KIF21A: variants seen among roughly 807,000 people sequenced by gnomAD.
The protein encoded by KIF21A is kinesin-like protein KIF21A.
In KIF21A, 114 loss-of-function variants were observed where a neutral mutation model predicts 202.9. That is an observed-to-expected ratio of 0.56 (90% CI 0.48 to 0.66). The LOEUF (loss-of-function observed/expected upper bound fraction) is 0.66, where lower values mean the gene tolerates loss of function less well. Ranked by LOEUF, KIF21A falls within the 30% of genes least tolerant of loss-of-function variation. KIF21A has a pLI of 0.00. For synonymous variants in KIF21A, 667 were observed against 670.8 expected, an observed-to-expected ratio of 0.99 and a Z score of 0.09; for missense variants, 1,677 against 1,994.9, an observed-to-expected ratio of 0.84 and a Z score of 3.04.
At chr12:39,303,801 T>G (rs944839254) in intron 35 of KIF21A, among the ~76,000 whole-genome samples, 1 of 152,186 alleles carries the variant, frequency 6.6e-6, no homozygotes. Context: ...TCAAAATCGT[T>G]TCACTTTCCT....
At chr12:39,391,990 A>T (rs1951395794) in intron 1 of KIF21A, among the ~76,000 whole-genome samples, 1 of 151,954 alleles carries the variant, frequency 6.6e-6, no homozygotes, top group African/African-American at 2.4e-5. Flanking sequence ...CACCCACCTC[A>T]GCCTCCCAAA....
intron 14 of KIF21A, 98 bp downstream of exon 14, chr12:39,341,407 T>G: frequency 8.2e-7 from 1 of 1,225,336 alleles, no homozygotes; most frequent in East Asian, 2.3e-5. Context: ...CAGAAGTTTC[T>G]TTCATCAAGT....
chr12:39,352,041 C>G, intron 10 of KIF21A, 61 bp from the exon 11 acceptor site: 1 of 1,179,150 alleles, frequency 8.5e-7, no homozygotes, highest in Non-Finnish European at 1.3e-6. Flanking sequence ...AAATACATAA[C>G]ATAAAGTGTA....
chr12:39,359,795 A>G (rs941717944), intron 7 of KIF21A, among the ~76,000 whole-genome samples: 4 of 152,188 alleles, frequency 2.6e-5, no homozygotes, highest in East Asian at 1.9e-4. Flanking sequence ...ACATACATCC[A>G]TTTCTTACTT....
At chr12:39,318,912 C>A (rs531271963) in intron 28 of KIF21A, among the ~76,000 whole-genome samples, 1 of 150,954 alleles carries the variant, frequency 6.6e-6, no homozygotes, top group Non-Finnish European at 1.5e-5. Context: ...ACCCGGGAGG[C>A]GGAGTTTGCA....
Position 39,358,097 on chromosome 12 carries a change from G to A in KIF21A, c.1215+81C>T, listed in dbSNP as rs992105939. 55 of 1,155,852 alleles carry A rather than the reference G, an allele frequency of 4.8e-5. 1 individual carries two copies. Among genetic ancestry groups the A allele is most frequent in the Non-Finnish European group, 6.4e-5 (49 of 763,432 alleles). 71.6% of individuals were successfully genotyped at this position (1,155,852 alleles called of 1,614,324 possible). A position where few individuals can be genotyped will look rare whatever the true frequency, so the allele number is the denominator to read the frequency against. The stretch of plus-strand genomic sequence containing the variant: ...GACAACCAAGAGATTCCAGAAACAC[G>A]TATGTGTAAGGCATTATTGTGTTCA... On this transcript the variant is annotated intron_variant, in intron 8 of 37. Transcript: ENST00000361418.
At chr12:39,387,132 T>C (rs1262731407) in intron 1 of KIF21A, among the ~76,000 whole-genome samples, 2 of 147,480 alleles carry the variant, frequency 1.4e-5, no homozygotes, top group Admixed American at 6.8e-5. Flanking sequence ...GGCAGAAAAC[T>C]CAATGAGTTT....
chr12:39,414,991 C>G (rs1304119682), intron 1 of KIF21A, among the ~76,000 whole-genome samples: 1 of 148,414 alleles, frequency 6.7e-6, no homozygotes, highest in East Asian at 2.0e-4. Context: ...GCAAAATCAG[C>G]CTAGGACTGG....
intron 6 of KIF21A, among the ~76,000 whole-genome samples, chr12:39,365,051 T>A (rs745592052): frequency 2.4e-4 from 36 of 152,164 alleles, no homozygotes; most frequent in Non-Finnish European, 2.1e-4. Flanking sequence ...GCTGACACCA[T>A]GCAGACTGGT....
At chr12:39,328,102 C>T (rs1394892866) in intron 24 of KIF21A, among the ~76,000 whole-genome samples, 5 of 152,126 alleles carry the variant, frequency 3.3e-5, no homozygotes, top group Admixed American at 3.3e-4. Context: ...GCTTGGAAAA[C>T]TGGACTTTGG....
rs1555200427 is a variant in KIF21A at position 39,421,742 on chromosome 12, T to TATAC, written c.44+21184_44+21185insGTAT. Among the ~76,000 whole-genome samples, 102 of 143,006 alleles carry TATAC rather than the reference T, an allele frequency of 7.1e-4. 1 individual carries two copies. Among genetic ancestry groups the TATAC allele is most frequent in the African/African-American group, 1.8e-3 (69 of 39,408 alleles). 93.8% of individuals were successfully genotyped at this position (143,006 alleles called of 152,430 possible). ...TATAATTTATATATATATATATATA[T>TATAC]ACACATACACACATATATATTTATT... On this transcript the variant is annotated intron_variant, in intron 1 of 37. Transcript: ENST00000361418.
rs1160949360 is a variant in KIF21A at position 39,436,448 on chromosome 12, AT to A, written c.44+6478del. ...TATATATATATATATATATATATAT[AT>A]TTTTTTTTTTTTTAGACAGGGTTTC... On this transcript the variant is annotated intron_variant, in intron 1 of 37. Transcript: ENST00000361418. Among the ~76,000 whole-genome samples the A allele has an allele frequency of 3.5e-3, 337 of 95,718 alleles. 3 individuals are homozygous for A. Among genetic ancestry groups the A allele is most frequent in the African/African-American group, 0.015 (298 of 19,724 alleles). 62.8% of individuals were successfully genotyped at this position (95,718 alleles called of 152,430 possible). A position where few individuals can be genotyped will look rare whatever the true frequency, so the allele number is the denominator to read the frequency against.
At chr12:39,309,130 T>G (rs1239900633) in intron 33 of KIF21A, among the ~76,000 whole-genome samples, 1 of 152,154 alleles carries the variant, frequency 6.6e-6, no homozygotes, top group Admixed American at 6.5e-5. Flanking sequence ...CAAAGCAGTC[T>G]CAGTCCTTAA....
rs527640582 is a variant in KIF21A, at chr12:39,355,924, C to T, written c.1469+908G>A. Among the ~76,000 whole-genome samples, 4 of 151,796 alleles carry T rather than the reference C, an allele frequency of 2.6e-5. No individual in the cohort carries two copies. In the South Asian group the frequency reaches 8.3e-4, roughly 32 times the overall value. On this transcript the variant is annotated intron_variant, in intron 10 of 37. Coordinates refer to ENST00000361418, the MANE Select transcript of KIF21A (RefSeq NM_001173464.2). ...ATAGTACTTGCCACAGTTTGAGAAC[C>T]TCTAGAATAGCCAGAGGAAGAGAAA...
chr12:39,441,179 C>T (rs906665652), intron 1 of KIF21A, among the ~76,000 whole-genome samples: 1 of 152,054 alleles, frequency 6.6e-6, no homozygotes, highest in Non-Finnish European at 1.5e-5. Context: ...CATTCATTCA[C>T]CTAAAAAGTC....
Position 39,332,971 on chromosome 12 carries a change from C to T in KIF21A, c.2624G>A (p.Arg875Lys). 1 of 1,614,164 alleles carries T rather than the reference C, an allele frequency of 6.2e-7. No individual in the cohort carries two copies. Among genetic ancestry groups the T allele is most frequent in the Middle Eastern group, 1.6e-4 (1 of 6,062 alleles). The change falls in exon 19 of 38, where the codon AGG becomes AAG. Residue 875 changes from arginine (R) to lysine (K), a missense_variant. Around this residue, in one of 3 missense-constraint regions of KIF21A, gnomAD observed 966 missense variants for 1,180.9 expected, o/e 0.82. Transcript: ENST00000361418. Reference protein sequence around the residue: ...SAAAVETDASRTGAQQKMRIP... With the variant: ...SAAAVETDASKTGAQQKMRIP... Reference sequence around the variant, plus strand: ...TCTCATTTTCTGCTGGGCTCCTGTCCTTGATGCATCTGTTTCGACAGCAGC... The same window carrying T: ...TCTCATTTTCTGCTGGGCTCCTGTCTTTGATGCATCTGTTTCGACAGCAGC...
chr12:39,368,155 T>TTGATAG, intron 3 of KIF21A, 123 bp from the exon 4 acceptor site: 1 of 647,376 alleles, frequency 1.5e-6, no homozygotes, highest in Non-Finnish European at 2.7e-6. Flanking sequence ...ACATATTTTT[T>TTGATAG]CAAAATAACA....
At chr12:39,412,260 C>T (rs913050111) in intron 1 of KIF21A, among the ~76,000 whole-genome samples, 4 of 152,144 alleles carry the variant, frequency 2.6e-5, no homozygotes, top group Non-Finnish European at 1.5e-5. Context: ...AAAATCCAAG[C>T]ACATGGCAAC....
chr12:39,353,875 T>A (rs1948582897), intron 10 of KIF21A, among the ~76,000 whole-genome samples: 1 of 152,086 alleles, frequency 6.6e-6, no homozygotes, highest in Non-Finnish European at 1.5e-5. Context: ...TCTCTCTCTC[T>A]CTTCCCGTTC....
Sources: gnomAD v4.1 joint callset for allele counts (sites outside exome capture counted in the v4.1 genomes callset) on GRCh38, gnomAD v4.1.1 for gene constraint, gnomAD v4.1.1 regional missense constraint, MANE v1.5 for transcripts, NCBI Gene and HGNC (gene_info 2026-07-23, HGNC 2026-07-21) for gene names.